The following NCKAP5 variants were observed in gnomAD, a reference collection of about 807,000 sequenced individuals.
The protein encoded by NCKAP5 is NCK associated protein 5.
NCKAP5 carries 92 observed loss-of-function variants against 167.0 expected under a neutral mutation model. The observed-to-expected ratio is 0.55, with a 90% CI of 0.47 to 0.66. The LOEUF is 0.66. Ranked by LOEUF, NCKAP5 falls within the 30% of genes least tolerant of loss-of-function variation. The pLI is 0.00. For missense variants in NCKAP5, 2,378 were observed against 2,315.0 expected, an observed-to-expected ratio of 1.03 and a Z score of -0.56; for synonymous variants, 891 against 877.4, an observed-to-expected ratio of 1.02 and a Z score of -0.27.
chr2:133,392,175 C>T (rs1232796140), intron 3 of NCKAP5, among the ~76,000 whole-genome samples: 4 of 152,126 alleles, frequency 2.6e-5, no homozygotes, highest in African/African-American at 9.7e-5. Flanking sequence ...ATGGTAGTCC[C>T]ATAAGATTAT....
intron 5 of NCKAP5, among the ~76,000 whole-genome samples, chr2:133,159,814 G>T (rs2083714936): frequency 1.3e-5 from 2 of 152,260 alleles, no homozygotes; most frequent in East Asian, 3.9e-4. Flanking sequence ...GACTGTGAAA[G>T]AAAAGCTTGA....
intron 5 of NCKAP5, among the ~76,000 whole-genome samples, chr2:133,163,127 G>C (rs1434299126): frequency 6.6e-6 from 1 of 152,146 alleles, no homozygotes; most frequent in Admixed American, 6.5e-5. Context: ...CAAAAAAAGA[G>C]AAAACACCCC....
intron 4 of NCKAP5, among the ~76,000 whole-genome samples, chr2:133,246,992 T>G (rs2088033279): frequency 6.6e-6 from 1 of 152,220 alleles, no homozygotes; most frequent in Non-Finnish European, 1.5e-5. Flanking sequence ...AGGCTGGAAT[T>G]TAACCATTTC....
intron 6 of NCKAP5, among the ~76,000 whole-genome samples, chr2:133,059,254 C>T (rs1380528545): frequency 2.0e-5 from 3 of 152,012 alleles, no homozygotes; most frequent in Non-Finnish European, 4.4e-5. Context: ...GAGCCGAGAT[C>T]GCGCCACTGC....
At chr2:133,100,097 C>T (rs549096420) in intron 6 of NCKAP5, among the ~76,000 whole-genome samples, 1 of 152,182 alleles carries the variant, frequency 6.6e-6, no homozygotes, top group Non-Finnish European at 1.5e-5. Flanking sequence ...CAAAAGTTAA[C>T]AGGGTAGATG....
intron 2 of NCKAP5, among the ~76,000 whole-genome samples, chr2:133,521,749 GCCC>G (rs1684494986): frequency 6.6e-6 from 1 of 152,172 alleles, no homozygotes; most frequent in Admixed American, 6.5e-5. Flanking sequence ...CTCCTTAAAT[GCCC>G]TATCTCCAAA....
At chr2:132,892,555 C>T (rs1214087326) in intron 8 of NCKAP5, among the ~76,000 whole-genome samples, 3 of 152,178 alleles carry the variant, frequency 2.0e-5, no homozygotes, top group Non-Finnish European at 4.4e-5. Context: ...GTAAAACAAT[C>T]TGATCACTCT....
At chr2:133,443,603 C>T (rs1013671570) in intron 3 of NCKAP5, among the ~76,000 whole-genome samples, 2 of 152,162 alleles carry the variant, frequency 1.3e-5, no homozygotes, top group Non-Finnish European at 2.9e-5. Flanking sequence ...TTGAGCTGCC[C>T]GCAGCCGTCT....
At chr2:133,409,546 C>T (rs912775808) in intron 3 of NCKAP5, among the ~76,000 whole-genome samples, 2 of 152,188 alleles carry the variant, frequency 1.3e-5, no homozygotes, top group Non-Finnish European at 2.9e-5. Flanking sequence ...AGCATGTAGA[C>T]AGCAGAGATA....
chr2:133,191,439 C>CTAT (rs2085215126), intron 5 of NCKAP5, among the ~76,000 whole-genome samples: 2 of 149,614 alleles, frequency 1.3e-5, no homozygotes, highest in African/African-American at 2.4e-5. Context: ...ACCCAAAGGA[C>CTAT]AAATCATGCT....
At chr2:133,615,261 C>T in the NCKAP5 span, among the ~76,000 whole-genome samples, 4 of 151,666 alleles carry the variant, frequency 2.6e-5, no homozygotes, top group Non-Finnish European at 4.4e-5. Flanking sequence ...AAATAACCAG[C>T]TAACATCATA....
intron 3 of NCKAP5, among the ~76,000 whole-genome samples, chr2:133,509,852 A>T (rs1190487190): frequency 6.6e-6 from 1 of 152,226 alleles, no homozygotes; most frequent in African/African-American, 2.4e-5. Context: ...GTTCTAGAGC[A>T]CACTGGCCTG....
intron 8 of NCKAP5, among the ~76,000 whole-genome samples, chr2:132,898,472 A>G (rs1180064022): frequency 1.3e-5 from 2 of 152,212 alleles, no homozygotes; most frequent in Admixed American, 6.5e-5. Context: ...TGGCATCTAG[A>G]ATTGTGATCC....
At chr2:133,640,822 A>C in the NCKAP5 span, among the ~76,000 whole-genome samples, 2 of 152,248 alleles carry the variant, frequency 1.3e-5, no homozygotes, top group Non-Finnish European at 2.9e-5. Flanking sequence ...TTGAAACCAA[A>C]GCACAGCTTC....
At chr2:133,134,560 T>C (rs1310175680) in intron 5 of NCKAP5, among the ~76,000 whole-genome samples, 1 of 152,214 alleles carries the variant, frequency 6.6e-6, no homozygotes, top group Non-Finnish European at 1.5e-5. Context: ...AAGAGTGGAA[T>C]TCCAAAATAC....
At chr2:133,334,516 A>G (rs1412193903) in intron 3 of NCKAP5, among the ~76,000 whole-genome samples, 3 of 152,202 alleles carry the variant, frequency 2.0e-5, no homozygotes, top group Admixed American at 6.5e-5. Context: ...GACATTTCAT[A>G]GGTGGCCATT....
intron 6 of NCKAP5, among the ~76,000 whole-genome samples, chr2:133,102,479 G>A (rs1234491570): frequency 6.6e-6 from 1 of 152,056 alleles, no homozygotes; most frequent in Non-Finnish European, 1.5e-5. Context: ...TTAGCCCAAG[G>A]AAATGACATA....
intron 3 of NCKAP5, among the ~76,000 whole-genome samples, chr2:133,479,558 A>G (rs1680241327): frequency 6.6e-6 from 1 of 152,236 alleles, no homozygotes; most frequent in African/African-American, 2.4e-5. Flanking sequence ...GCCCTAATAT[A>G]CCCTGACTTG....
intron 7 of NCKAP5, among the ~76,000 whole-genome samples, chr2:132,977,613 T>A (rs1047476270): frequency 1.3e-5 from 2 of 152,216 alleles, no homozygotes; most frequent in Non-Finnish European, 2.9e-5. Context: ...AGAGCTCGAA[T>A]AAGATGCATT....
Sources: allele counts gnomAD v4.1 joint callset (sites outside exome capture counted in the v4.1 genomes callset), GRCh38; gene constraint gnomAD v4.1.1; transcripts MANE v1.5; gene names NCBI Gene and HGNC (gene_info 2026-07-23, HGNC 2026-07-21).